The following LINGO2 variants were observed in gnomAD, a reference collection of about 807,000 sequenced individuals.
LINGO2 encodes leucine rich repeat and Ig domain containing 2.
A neutral mutation model predicts 30.6 loss-of-function variants in LINGO2; 14 were observed. The observed-to-expected ratio is 0.46, with a 90% CI of 0.30 to 0.72. LINGO2 has a LOEUF of 0.72. LINGO2 is among the 30% of genes least tolerant of loss of function. The pLI, the probability that LINGO2 is intolerant of heterozygous loss-of-function variation, is 0.07. For synonymous variants in LINGO2, 317 were observed against 288.5 expected (o/e 1.10, Z -1.00); for missense variants, 729 against 751.7 (o/e 0.97, Z 0.35).
At chr9:28,212,935 G>T (rs1322357520) in intron 4 of LINGO2, among the ~76,000 whole-genome samples, 2 of 151,410 alleles carry the variant, frequency 1.3e-5, no homozygotes, top group Non-Finnish European at 3.0e-5. Context: ...AGTAGAGAAA[G>T]CACTTACTTT....
At chr9:28,961,507 A>G in the LINGO2 span, among the ~76,000 whole-genome samples, 1 of 152,178 alleles carries the variant, frequency 6.6e-6, no homozygotes, top group South Asian at 2.1e-4. Flanking sequence ...AGGAGAAGAT[A>G]GGATATGCAC....
At chr9:28,743,929 T>C in the LINGO2 span, among the ~76,000 whole-genome samples, 1 of 151,678 alleles carries the variant, frequency 6.6e-6, no homozygotes, top group South Asian at 2.1e-4. Flanking sequence ...CTTATGGTAC[T>C]TCTGCTACAT....
chr9:28,668,028 A>G (rs1442700943), intron 1 of LINGO2, among the ~76,000 whole-genome samples: 1 of 152,106 alleles, frequency 6.6e-6, no homozygotes, highest in Non-Finnish European at 1.5e-5. Context: ...TCTCTGCTAT[A>G]TTCACAATTT....
the LINGO2 span, among the ~76,000 whole-genome samples, chr9:29,181,435 GA>G: frequency 2.0e-5 from 3 of 150,330 alleles, no homozygotes; most frequent in African/African-American, 7.3e-5. Context: ...CTTTAAATTT[GA>G]AAAAAAAAGT....
chr9:29,050,086 T>C, the LINGO2 span, among the ~76,000 whole-genome samples: 1 of 151,950 alleles, frequency 6.6e-6, no homozygotes, highest in East Asian at 1.9e-4. Flanking sequence ...AGTGCAGTGG[T>C]ACAATCTCGG....
At chr9:29,187,898 T>TGTC in the LINGO2 span, among the ~76,000 whole-genome samples, 2 of 150,566 alleles carry the variant, frequency 1.3e-5, no homozygotes, top group East Asian at 3.9e-4. Context: ...ATGTAGCTGA[T>TGTC]GTCAGCATAA....
intron 1 of LINGO2, among the ~76,000 whole-genome samples, chr9:28,585,756 A>G (rs1824502047): frequency 6.6e-6 from 1 of 152,048 alleles, no homozygotes; most frequent in Non-Finnish European, 1.5e-5. Context: ...TAAGAATACT[A>G]AGTTCTTCCC....
the LINGO2 span, among the ~76,000 whole-genome samples, chr9:29,138,031 T>G: frequency 2.0e-5 from 3 of 151,936 alleles, no homozygotes; most frequent in African/African-American, 7.3e-5. Flanking sequence ...AAGTTTCTCT[T>G]TTTTTATTAA....
chr9:28,565,210 A>G (rs1823306934), intron 1 of LINGO2, among the ~76,000 whole-genome samples: 1 of 152,174 alleles, frequency 6.6e-6, no homozygotes, highest in South Asian at 2.1e-4. Flanking sequence ...AGGAATATAT[A>G]TAAGTCTCAC....
the LINGO2 span, among the ~76,000 whole-genome samples, chr9:28,992,906 T>C: frequency 1.3e-5 from 2 of 150,292 alleles, no homozygotes; most frequent in African/African-American, 4.9e-5. Flanking sequence ...CCCACAAGAG[T>C]AAGCAGGAAA....
chr9:28,826,822 AC>A, the LINGO2 span, among the ~76,000 whole-genome samples: 1 of 152,324 alleles, frequency 6.6e-6, no homozygotes, highest in African/African-American at 2.4e-5. Flanking sequence ...ACATAGCTGC[AC>A]GATTGCAGTA....
intron 4 of LINGO2, among the ~76,000 whole-genome samples, chr9:28,122,492 GA>G (rs1827124846): frequency 6.6e-6 from 1 of 152,188 alleles, no homozygotes; most frequent in African/African-American, 2.4e-5. Context: ...TAGAGAATCA[GA>G]AAGTTTTGCT....
chr9:28,294,532 G>C (rs907792836), intron 4 of LINGO2, among the ~76,000 whole-genome samples: 1 of 152,102 alleles, frequency 6.6e-6, no homozygotes, highest in Non-Finnish European at 1.5e-5. Context: ...TTGTAGGGGA[G>C]GAAGCGAGTT....
the LINGO2 span, among the ~76,000 whole-genome samples, chr9:28,840,716 A>C: frequency 1.3e-5 from 2 of 151,998 alleles, no homozygotes; most frequent in Non-Finnish European, 2.9e-5. Flanking sequence ...GTAGAATGGC[A>C]TATCAACTAA....
At chr9:28,748,148 T>G in the LINGO2 span, among the ~76,000 whole-genome samples, 5 of 151,994 alleles carry the variant, frequency 3.3e-5, no homozygotes, top group Non-Finnish European at 7.4e-5. Context: ...GACACTAAAT[T>G]CTAAACATTT....
At chr9:28,125,447 T>C (rs1004124523) in intron 4 of LINGO2, among the ~76,000 whole-genome samples, 5 of 152,230 alleles carry the variant, frequency 3.3e-5, no homozygotes, top group African/African-American at 1.2e-4. Context: ...CACATTAATT[T>C]ATGGAATATT....
chr9:28,880,427 C>T, the LINGO2 span, among the ~76,000 whole-genome samples: 2 of 152,104 alleles, frequency 1.3e-5, no homozygotes, highest in African/African-American at 2.4e-5. Context: ...GCAGGATGTG[C>T]CTTGTTAACA....
At chr9:28,847,073 T>C in the LINGO2 span, among the ~76,000 whole-genome samples, 1 of 145,590 alleles carries the variant, frequency 6.9e-6, no homozygotes, top group African/African-American at 2.7e-5. Context: ...ACAAGCTACA[T>C]GGCTAAAGTG....
chr9:28,477,340 A>G (rs1418869919), intron 1 of LINGO2, among the ~76,000 whole-genome samples: 1 of 152,174 alleles, frequency 6.6e-6, no homozygotes, highest in Non-Finnish European at 1.5e-5. Context: ...CCCTACTTTT[A>G]ATGATGAGAA....
Sources: gnomAD v4.1 joint callset for allele counts (sites outside exome capture counted in the v4.1 genomes callset) on GRCh38, gnomAD v4.1.1 for gene constraint, MANE v1.5 for transcripts, NCBI Gene and HGNC (gene_info 2026-07-23, HGNC 2026-07-21) for gene names.